The following PRMT3 variants were observed in gnomAD, a reference collection of about 807,000 sequenced individuals.
PRMT3 encodes protein arginine methyltransferase 3.
A neutral mutation model predicts 71.9 loss-of-function variants in PRMT3; 62 were observed. The observed-to-expected ratio is 0.86, with a 90% confidence interval of 0.70 to 1.07. The LOEUF (loss-of-function observed/expected upper bound fraction) is 1.07, where lower values mean the gene tolerates loss of function less well. Among genes scored for constraint, PRMT3 ranks in the 50% least tolerant of loss-of-function variants. The pLI, the probability that PRMT3 is intolerant of heterozygous loss-of-function variation, is 0.00. For missense variants in PRMT3, 663 were observed against 643.0 expected (o/e 1.03, Z -0.34); for synonymous variants, 213 against 220.4 (o/e 0.97, Z 0.30).
chr11:20,429,589 C>T (rs1458086559), intron 10 of PRMT3, among the ~76,000 whole-genome samples: 8 of 152,152 alleles, frequency 5.3e-5, no homozygotes, highest in Non-Finnish European at 1.0e-4. Context: ...TCTTCGAAAC[C>T]AGTAATGAAA....
chr11:20,503,545 A>G (rs529677103), intron 15 of PRMT3, among the ~76,000 whole-genome samples: 1 of 151,926 alleles, frequency 6.6e-6, no homozygotes, highest in South Asian at 2.1e-4. Flanking sequence ...ACAGTCACTG[A>G]TATGCTTTGT....
rs143519041 is a variant in PRMT3, at chr11:20,412,386, A to G, written c.893+4354A>G. 6.0e-3 allele frequency among the ~76,000 whole-genome samples: 451 copies of G among 75,410 alleles called. 1 individual carries two copies. Among genetic ancestry groups the G allele is most frequent in the African/African-American group, 0.024 (442 of 18,240 alleles). The allele number at this position is 75,410 out of a possible 152,430, so 49.5% of individuals were successfully genotyped here. ...CTGTTCACAAAACTGTTGAACAGCT[A>G]TGTAGTCTGAACCCCCCCCCCACCT... On this transcript the variant is annotated intron_variant, in intron 9 of 15. Transcript: ENST00000331079.
chr11:20,392,605 T>A (rs1208689645), intron 4 of PRMT3, among the ~76,000 whole-genome samples: 1 of 151,922 alleles, frequency 6.6e-6, no homozygotes, highest in Non-Finnish European at 1.5e-5. Context: ...TTTATTCTGT[T>A]TTTTTTCAGA....
chr11:20,426,976 A>AT (rs1303738814), intron 10 of PRMT3, 111 bp downstream of exon 10: 1 of 1,381,058 alleles, frequency 7.2e-7, no homozygotes, highest in Non-Finnish European at 9.4e-7. Flanking sequence ...TGGTGACATT[A>AT]TTTTTTAAGT....
At chr11:20,485,924 A>C (rs1055720686) in intron 13 of PRMT3, among the ~76,000 whole-genome samples, 1 of 152,254 alleles carries the variant, frequency 6.6e-6, no homozygotes, top group Non-Finnish European at 1.5e-5. Flanking sequence ...TTATAGCAGC[A>C]TTATTCATAA....
At position 20,466,145 on chromosome 11, in the gene PRMT3, T is replaced by C. The variant is rs1041769833; in HGVS notation, c.1347+1599T>C. Among the ~76,000 whole-genome samples the C allele has an allele frequency of 6.6e-5, 10 of 152,310 alleles. No individual in the cohort carries two copies. The East Asian group carries it at 1.9e-3, about 29-fold the overall frequency. Reference sequence around the variant, plus strand: ...CATTGAAATGTTCTTTTTTTCTAGTTTATTGGTCAGGGTTCTTAGTTTTCG... The same window carrying C: ...CATTGAAATGTTCTTTTTTTCTAGTCTATTGGTCAGGGTTCTTAGTTTTCG... On this transcript the variant is annotated intron_variant, in intron 13 of 15. Transcript: ENST00000331079.
At chr11:20,493,124 T>G (rs1851248369) in intron 13 of PRMT3, among the ~76,000 whole-genome samples, 1 of 104,460 alleles carries the variant, frequency 9.6e-6, no homozygotes, top group Non-Finnish European at 2.2e-5. Flanking sequence ...AGAGCAAGAC[T>G]CCATGTCAAA....
intron 11 of PRMT3, among the ~76,000 whole-genome samples, chr11:20,452,860 TTG>T (rs1850180841): frequency 6.6e-6 from 1 of 152,150 alleles, no homozygotes; most frequent in East Asian, 1.9e-4. Context: ...AGGACAGGGA[TTG>T]TGTTTGTTTA....
Position 20,387,883 on chromosome 11 carries a change from G to T in PRMT3, c.28+109G>T, listed in dbSNP as rs1484901892. On this transcript the variant is annotated intron_variant, in intron 1 of 15. Coordinates refer to ENST00000331079, the MANE Select transcript of PRMT3 (RefSeq NM_005788.4). The surrounding 1 kb of genome is among the most constrained non-coding windows in gnomAD (Gnocchi z 4.3). ...CGGGCCCGGGCAGGGTGGGGGGCTC[G>T]CAGGGATCATGAAGGAGGTGCTGAG... is the stretch of plus-strand genomic sequence containing the variant. 1.3e-6 allele frequency: 2 copies of T among 1,536,862 alleles called. No homozygotes were observed. Among genetic ancestry groups the T allele is most frequent in the Non-Finnish European group, 1.8e-6 (2 of 1,139,690 alleles).
chr11:20,493,954 G>T lies in PRMT3; in HGVS notation c.1383G>T (p.Lys461Asn). 2 of 1,590,336 alleles carry T rather than the reference G, an allele frequency of 1.3e-6. No individual in the cohort carries two copies. Among genetic ancestry groups the T allele is most frequent in the Non-Finnish European group, 1.7e-6 (2 of 1,163,204 alleles). ...GCTACTTTGATATATATTTTGAGAA[G>T]AATTGCCACAACAGGGTAAGTATCA... Reference protein sequence around the residue: ...IAGYFDIYFEKNCHNRVVFST... With the variant: ...IAGYFDIYFENNCHNRVVFST... The change falls in exon 14 of 16, where the codon AAG becomes AAT. Residue 461 changes from lysine to asparagine, a missense_variant. Coordinates refer to ENST00000331079, the MANE Select transcript of PRMT3 (RefSeq NM_005788.4).
chr11:20,452,036 C>A, intron 10 of PRMT3, 94 bp from the exon 11 acceptor site: 1 of 827,054 alleles, frequency 1.2e-6, no homozygotes, highest in South Asian at 3.0e-5. Context: ...AAAAAATATT[C>A]TGTAATTAAA....
At chr11:20,453,848 C>G (rs1850208706) in intron 11 of PRMT3, among the ~76,000 whole-genome samples, 1 of 152,054 alleles carries the variant, frequency 6.6e-6, no homozygotes, top group African/African-American at 2.4e-5. Context: ...ATTATACTTA[C>G]TGGTTGAGCA....
chr11:20,508,386 T>TTCAAC lies in PRMT3; in HGVS notation c.1574_1578dup (p.Thr527LeufsTer40). On this transcript the variant is annotated frameshift_variant, in exon 16 of 16. Coordinates refer to ENST00000331079, the MANE Select transcript of PRMT3 (RefSeq NM_005788.4). LOFTEE classifies it high-confidence loss of function. ...TCACCGTGACCCTCACGTTGAATAATTCAACTCAAACTTATGGTCTCCAGT... is the reference window on the plus strand; with the variant it reads ...TCACCGTGACCCTCACGTTGAATAATTCAACTCAACTCAAACTTATGGTCTCCAGT... The TTCAAC allele has an allele frequency of 1.2e-6, 2 of 1,607,838 alleles. No homozygotes were observed. The highest frequency in any genetic ancestry group is 1.7e-6 in the Non-Finnish European group (2 of 1,174,404).
At chr11:20,414,545 G>A (rs1849260229) in intron 9 of PRMT3, among the ~76,000 whole-genome samples, 1 of 152,156 alleles carries the variant, frequency 6.6e-6, no homozygotes, top group Non-Finnish European at 1.5e-5. Context: ...TTGCCAGACA[G>A]TTGTATACTG....
chr11:20,459,889 T>A (rs1850345050), intron 11 of PRMT3, among the ~76,000 whole-genome samples: 1 of 152,236 alleles, frequency 6.6e-6, no homozygotes, highest in African/African-American at 2.4e-5. Flanking sequence ...ATCAAGAATT[T>A]AAACACAATC....
intron 13 of PRMT3, among the ~76,000 whole-genome samples, chr11:20,485,715 A>G (rs1851056452): frequency 6.6e-6 from 1 of 152,236 alleles, no homozygotes; most frequent in Non-Finnish European, 1.5e-5. Context: ...GTCTAATTAC[A>G]TATACATGTA....
intron 10 of PRMT3, among the ~76,000 whole-genome samples, chr11:20,443,923 G>A (rs566915042): frequency 1.7e-4 from 26 of 152,280 alleles, no homozygotes; most frequent in African/African-American, 5.8e-4. Context: ...AAAAAGTTGG[G>A]AACTGTATGT....
intron 13 of PRMT3, among the ~76,000 whole-genome samples, chr11:20,473,423 T>C (rs1228647958): frequency 1.3e-5 from 2 of 152,190 alleles, no homozygotes; most frequent in African/African-American, 4.8e-5. Context: ...GATTCTGGTA[T>C]GTTGTCTCTT....
chr11:20,409,858 C>T (rs1009320992), intron 9 of PRMT3, among the ~76,000 whole-genome samples: 3 of 151,966 alleles, frequency 2.0e-5, no homozygotes, highest in Non-Finnish European at 4.4e-5. Context: ...AATATGAGAA[C>T]CACTGTCCCA....
Sources: allele counts gnomAD v4.1 joint callset (sites outside exome capture counted in the v4.1 genomes callset), GRCh38; gene constraint gnomAD v4.1.1; non-coding constraint Gnocchi (gnomAD v3.1); transcripts MANE v1.5; gene names NCBI Gene and HGNC (gene_info 2026-07-23, HGNC 2026-07-21).